FSTL5: variants seen among roughly 807,000 people sequenced by gnomAD.
The protein encoded by FSTL5 is follistatin like 5, also known as follistatin-related protein 5.
In FSTL5, 62 loss-of-function variants were observed where a neutral mutation model predicts 89.1. The observed-to-expected ratio is 0.70, with a 90% CI of 0.57 to 0.86. FSTL5 has a LOEUF of 0.86. Among genes scored for constraint, FSTL5 ranks in the 40% least tolerant of loss-of-function variants. The probability of loss-of-function intolerance (pLI) is 0.00; values close to 1 mark genes in which losing one functional copy is unlikely to be tolerated. For missense variants in FSTL5, 1,057 were observed against 1,001.6 expected (o/e 1.06, Z -0.75); for synonymous variants, 383 against 346.2 (o/e 1.11, Z -1.18).
chr4:162,120,280 T>C (rs13110806), intron 1 of FSTL5, among the ~76,000 whole-genome samples: 23,348 of 152,112 alleles, frequency 0.15, 2,106 homozygotes, highest in Middle Eastern at 0.28. Context: ...CAAATAGAAA[T>C]GTTTATACTC....
At chr4:161,968,237 T>A (rs1735381065) in intron 3 of FSTL5, among the ~76,000 whole-genome samples, 1 of 152,036 alleles carries the variant, frequency 6.6e-6, no homozygotes, top group Admixed American at 6.6e-5. Flanking sequence ...CATGCAAAAT[T>A]CAGTGTTTGG....
intron 1 of FSTL5, among the ~76,000 whole-genome samples, chr4:162,114,388 C>T (rs1260097396): frequency 1.3e-5 from 2 of 152,148 alleles, no homozygotes; most frequent in Admixed American, 6.5e-5. Context: ...AAGAAAGAGG[C>T]ATGAAAACAA....
At chr4:162,072,294 T>C (rs1385629006) in intron 2 of FSTL5, among the ~76,000 whole-genome samples, 1 of 151,822 alleles carries the variant, frequency 6.6e-6, no homozygotes, top group Non-Finnish European at 1.5e-5. Flanking sequence ...ATATCTTTCC[T>C]TTCCACCACC....
intron 13 of FSTL5, among the ~76,000 whole-genome samples, chr4:161,470,782 A>G (rs907304727): frequency 2.0e-5 from 3 of 152,100 alleles, no homozygotes; most frequent in African/African-American, 7.2e-5. Flanking sequence ...AATATTTTGT[A>G]ATTTCCCTTG....
chr4:161,727,035 G>A (rs1739449875), intron 6 of FSTL5, among the ~76,000 whole-genome samples: 1 of 152,004 alleles, frequency 6.6e-6, no homozygotes, highest in Non-Finnish European at 1.5e-5. Flanking sequence ...AAAACTTTCA[G>A]AAAATTGAGG....
intron 6 of FSTL5, among the ~76,000 whole-genome samples, chr4:161,674,573 C>T (rs765381176): frequency 5.3e-5 from 8 of 152,098 alleles, no homozygotes; most frequent in Non-Finnish European, 8.8e-5. Flanking sequence ...AGTATATCAA[C>T]GTATTTTGGA....
intron 15 of FSTL5, among the ~76,000 whole-genome samples, chr4:161,445,670 T>G (rs750760280): frequency 6.6e-6 from 1 of 151,996 alleles, no homozygotes; most frequent in Admixed American, 6.6e-5. Flanking sequence ...GGATTATCAA[T>G]ACGTCATTTT....
At chr4:161,612,940 CTT>C (rs11302016) in intron 7 of FSTL5, among the ~76,000 whole-genome samples, 3 of 150,580 alleles carry the variant, frequency 2.0e-5, no homozygotes, top group Admixed American at 2.0e-4. Flanking sequence ...TATTAGTGCT[CTT>C]TTTTTTTTAC....
chr4:161,757,650 ACT>A (rs1740624766), intron 6 of FSTL5, among the ~76,000 whole-genome samples: 3 of 151,982 alleles, frequency 2.0e-5, no homozygotes, highest in South Asian at 4.1e-4. Context: ...ACAGAGTCTC[ACT>A]CTGTTGTTTA....
intron 6 of FSTL5, among the ~76,000 whole-genome samples, chr4:161,692,283 A>G (rs1170596756): frequency 6.6e-6 from 1 of 151,998 alleles, no homozygotes. Context: ...TATTTTTATC[A>G]TAAAAGTGTG....
intron 12 of FSTL5, among the ~76,000 whole-genome samples, chr4:161,484,941 G>C (rs776720911): frequency 3.3e-5 from 5 of 152,068 alleles, no homozygotes; most frequent in African/African-American, 7.2e-5. Flanking sequence ...TGCCTAATTT[G>C]ATATGATCCA....
At chr4:162,132,739 T>G (rs1018250013) in intron 1 of FSTL5, among the ~76,000 whole-genome samples, 2 of 152,188 alleles carry the variant, frequency 1.3e-5, no homozygotes, top group African/African-American at 4.8e-5. Flanking sequence ...TAATTTGAAT[T>G]TATCTTTGAA....
At chr4:161,468,522 G>A (rs1733827012) in intron 13 of FSTL5, among the ~76,000 whole-genome samples, 1 of 152,092 alleles carries the variant, frequency 6.6e-6, no homozygotes, top group African/African-American at 2.4e-5. Context: ...AGAATGTACT[G>A]TTATTCCCAG....
At chr4:161,671,995 A>T (rs1224069552) in intron 6 of FSTL5, among the ~76,000 whole-genome samples, 1 of 152,198 alleles carries the variant, frequency 6.6e-6, no homozygotes, top group Non-Finnish European at 1.5e-5. Flanking sequence ...CTAATCTGTG[A>T]ACAAGTTTGA....
At chr4:161,448,343 G>A (rs1733025671) in intron 15 of FSTL5, among the ~76,000 whole-genome samples, 1 of 152,022 alleles carries the variant, frequency 6.6e-6, no homozygotes, top group African/African-American at 2.4e-5. Context: ...GCTGTGCTGG[G>A]ATTTCAACGT....
chr4:161,975,287 T>C lies in FSTL5; in HGVS notation c.161-54635A>G, dbSNP rs565921318. Among the ~76,000 whole-genome samples the C allele has an allele frequency of 3.3e-5, 5 of 150,970 alleles. No individual in the cohort carries two copies. In the South Asian group the frequency reaches 1.0e-3, roughly 32 times the overall value. On this transcript the variant is annotated intron_variant, in intron 3 of 15. Transcript: ENST00000306100. ...CAAAGGACTATAAATCATGCTGCTA[T>C]AAAGACACATGCACACATATGTTTA... is the stretch of plus-strand genomic sequence containing the variant.
intron 3 of FSTL5, among the ~76,000 whole-genome samples, chr4:161,958,306 A>G (rs901908903): frequency 3.3e-5 from 5 of 152,064 alleles, no homozygotes; most frequent in African/African-American, 1.2e-4. Flanking sequence ...CATTGCTGTC[A>G]TGTCTATGTT....
At chr4:161,938,527 G>T (rs753875671) in intron 3 of FSTL5, among the ~76,000 whole-genome samples, 37 of 152,022 alleles carry the variant, frequency 2.4e-4, no homozygotes, top group Non-Finnish European at 4.4e-4. Flanking sequence ...GAAATATTAC[G>T]CAAAAAATAT....
intron 5 of FSTL5, among the ~76,000 whole-genome samples, chr4:161,773,685 TA>T (rs967873506): frequency 6.6e-6 from 1 of 151,700 alleles, no homozygotes; most frequent in Non-Finnish European, 1.5e-5. Context: ...TCTAAACTTT[TA>T]AAAAAAATGT....
Sources: allele counts gnomAD v4.1 joint callset (sites outside exome capture counted in the v4.1 genomes callset), GRCh38; gene constraint gnomAD v4.1.1; transcripts MANE v1.5; gene names NCBI Gene and HGNC (gene_info 2026-07-23, HGNC 2026-07-21).